The following SLC10A7 variants were observed in gnomAD, a reference collection of about 807,000 sequenced individuals.
SLC10A7 encodes the protein solute carrier family 10 member 7.
SLC10A7 carries 29 observed loss-of-function variants against 43.2 expected under a neutral mutation model. That is an observed-to-expected ratio of 0.67 (90% CI 0.50 to 0.92). The LOEUF (loss-of-function observed/expected upper bound fraction) is 0.92. Among genes scored for constraint, SLC10A7 ranks in the 40% least tolerant of loss-of-function variants. SLC10A7 has a pLI of 0.00. For synonymous variants in SLC10A7, 152 were observed against 144.8 expected, an observed-to-expected ratio of 1.05 and a Z score of -0.35; for missense variants, 295 against 403.2, an observed-to-expected ratio of 0.73 and a Z score of 2.30.
intron 10 of SLC10A7, 32 bp from the exon 11 acceptor site, chr4:146,258,869 C>T: frequency 6.3e-7 from 1 of 1,591,888 alleles, no homozygotes; most frequent in Non-Finnish European, 8.5e-7. Flanking sequence ...AAACCTAAAC[C>T]AAATTCAGTC....
At chr4:146,483,102 G>A (rs139380068) in intron 4 of SLC10A7, among the ~76,000 whole-genome samples, 134 of 152,262 alleles carry the variant, frequency 8.8e-4, no homozygotes, top group South Asian at 3.7e-3. Flanking sequence ...AGTTCCTTAC[G>A]TGGAAATGAA....
chr4:146,283,142 T>C (rs1190978365), intron 10 of SLC10A7, 50 bp downstream of exon 10: 22 of 1,388,820 alleles, frequency 1.6e-5, no homozygotes, highest in East Asian at 2.3e-5. Context: ...AGTCATAAGA[T>C]GTAACTATAT....
intron 5 of SLC10A7, among the ~76,000 whole-genome samples, chr4:146,437,543 G>T (rs946885421): frequency 6.6e-6 from 1 of 151,960 alleles, no homozygotes; most frequent in African/African-American, 2.4e-5. Flanking sequence ...AACTTTTGAG[G>T]TAAAACTAAG....
At position 146,316,428 on chromosome 4, in the gene SLC10A7, T is replaced by C. The variant is rs1325177051; in HGVS notation, c.471+9533A>G. On this transcript the variant is annotated intron_variant, in intron 6 of 11. Coordinates refer to ENST00000335472, the MANE Select transcript of SLC10A7 (RefSeq NM_001029998.6). Reference sequence around the variant, plus strand: ...CCTTATGAATGAATTAGTGCTCTTATAAAAGAGGCCCTAGAGAGCTGCCTT... The same window carrying C: ...CCTTATGAATGAATTAGTGCTCTTACAAAAGAGGCCCTAGAGAGCTGCCTT... 1.2e-4 allele frequency among the ~76,000 whole-genome samples: 18 copies of C among 152,030 alleles called. No individual in the cohort carries two copies. The East Asian group carries it at 3.1e-3, about 26-fold the overall frequency.
At chr4:146,344,511 T>G (rs531020644) in intron 5 of SLC10A7, among the ~76,000 whole-genome samples, 5 of 152,172 alleles carry the variant, frequency 3.3e-5, no homozygotes, top group African/African-American at 4.8e-5. Context: ...TAAAATTGCA[T>G]GTTTTCTTTT....
intron 5 of SLC10A7, among the ~76,000 whole-genome samples, chr4:146,359,722 G>A (rs1274569241): frequency 6.6e-6 from 1 of 152,180 alleles, no homozygotes; most frequent in African/African-American, 2.4e-5. Context: ...CTCCTAGTGA[G>A]TATGTGAGGC....
At chr4:146,436,000 G>C (rs1443798822) in intron 5 of SLC10A7, among the ~76,000 whole-genome samples, 1 of 151,928 alleles carries the variant, frequency 6.6e-6, no homozygotes, top group Non-Finnish European at 1.5e-5. Context: ...CAATTGGCTA[G>C]TTCTACACCA....
chr4:146,496,233 G>A (rs1218501072), intron 4 of SLC10A7, among the ~76,000 whole-genome samples: 1 of 152,130 alleles, frequency 6.6e-6, no homozygotes. Flanking sequence ...TCTGAATACT[G>A]TAATATCACA....
At chr4:146,480,093 T>C (rs1457710927) in intron 4 of SLC10A7, among the ~76,000 whole-genome samples, 2 of 152,280 alleles carry the variant, frequency 1.3e-5, no homozygotes, top group East Asian at 3.9e-4. Context: ...TATTAATGTG[T>C]ATTTCTAAAA....
Position 146,438,964 on chromosome 4 carries a change from G to T in SLC10A7, c.435+3819C>A, listed in dbSNP as rs1056333029. Among the ~76,000 whole-genome samples, 9 of 152,064 alleles carry T rather than the reference G, an allele frequency of 5.9e-5. No homozygotes were observed. In the East Asian group the frequency reaches 1.7e-3, roughly 29 times the overall value. On this transcript the variant is annotated intron_variant, in intron 5 of 11. Transcript: ENST00000335472. Reference sequence around the variant, plus strand: ...ATACATAAATTTTAATAGCATTTTAGTTATTCAGGGTGCTCGACTATCAAA... The same window carrying T: ...ATACATAAATTTTAATAGCATTTTATTTATTCAGGGTGCTCGACTATCAAA...
chr4:146,470,891 T>C (rs769769503), intron 4 of SLC10A7, among the ~76,000 whole-genome samples: 11 of 152,200 alleles, frequency 7.2e-5, no homozygotes, highest in Non-Finnish European at 1.5e-4. Flanking sequence ...CCTCTATGTG[T>C]GCCAGGCACT....
intron 5 of SLC10A7, among the ~76,000 whole-genome samples, chr4:146,344,286 C>T (rs1734464985): frequency 6.6e-6 from 1 of 152,002 alleles, no homozygotes; most frequent in Admixed American, 6.6e-5. Flanking sequence ...CAAGAATTTT[C>T]AATGTTGTCT....
chr4:146,308,766 C>T (rs1326712832), intron 6 of SLC10A7, among the ~76,000 whole-genome samples: 1 of 152,106 alleles, frequency 6.6e-6, no homozygotes, highest in Non-Finnish European at 1.5e-5. Flanking sequence ...ACAATCCAGT[C>T]CCTGGCTAAT....
At chr4:146,294,154 C>T (rs1349759961) in intron 7 of SLC10A7, 59 bp from the exon 8 acceptor site, 2 of 1,321,880 alleles carry the variant, frequency 1.5e-6, no homozygotes, top group Non-Finnish European at 1.0e-6. Flanking sequence ...TTGAAATGGG[C>T]ATCACAAAGT....
At chr4:146,293,408 G>C (rs1436565043) in intron 8 of SLC10A7, among the ~76,000 whole-genome samples, 1 of 152,102 alleles carries the variant, frequency 6.6e-6, no homozygotes, top group African/African-American at 2.4e-5. Flanking sequence ...GTTGCTTTTT[G>C]AGCTTTAGCA....
chr4:146,488,822 T>TTTAA (rs2150000535), intron 4 of SLC10A7, among the ~76,000 whole-genome samples: 1 of 152,332 alleles, frequency 6.6e-6, no homozygotes, highest in African/African-American at 2.4e-5. Context: ...TTTATAAAAG[T>TTTAA]TTAACACAGA....
At chr4:146,465,921 A>G (rs1579259679) in intron 4 of SLC10A7, among the ~76,000 whole-genome samples, 3 of 152,298 alleles carry the variant, frequency 2.0e-5, no homozygotes, top group East Asian at 3.9e-4. Context: ...AACAGCTTAA[A>G]TCCAAATTGT....
intron 5 of SLC10A7, among the ~76,000 whole-genome samples, chr4:146,357,843 G>C (rs1453932802): frequency 6.6e-6 from 1 of 152,120 alleles, no homozygotes; most frequent in African/African-American, 2.4e-5. Context: ...GAGAAGAGCT[G>C]CAAGTTCTTC....
chr4:146,468,835 T>A (rs565698843), intron 4 of SLC10A7, among the ~76,000 whole-genome samples: 1 of 152,166 alleles, frequency 6.6e-6, no homozygotes, highest in Non-Finnish European at 1.5e-5. Context: ...TAACCTGTTA[T>A]GTGGGGGGTA....
Sources: gnomAD v4.1 joint callset for allele counts (sites outside exome capture counted in the v4.1 genomes callset) on GRCh38, gnomAD v4.1.1 for gene constraint, MANE v1.5 for transcripts, NCBI Gene and HGNC (gene_info 2026-07-23, HGNC 2026-07-21) for gene names.